Variants in ZNF329 observed in about 807,000 individuals in gnomAD.
The protein encoded by ZNF329 is zinc finger protein 329.
Under a neutral mutation model 26.6 loss-of-function variants are expected in ZNF329, and 15 were observed. The ratio of observed to expected loss-of-function variants is 0.56; its 90% CI spans 0.38 to 0.87. The LOEUF (loss-of-function observed/expected upper bound fraction) is 0.87. Ranked by LOEUF, ZNF329 falls within the 40% of genes least tolerant of loss-of-function variation. The pLI is 0.00. For synonymous variants in ZNF329, 239 were observed against 233.5 expected (o/e 1.02, Z -0.21); for missense variants, 651 against 651.9 (o/e 1.00, Z 0.02).
intron 3 of ZNF329, among the ~76,000 whole-genome samples, chr19:58,142,261 C>G (rs2075205911): frequency 6.6e-6 from 1 of 152,060 alleles, no homozygotes; most frequent in African/African-American, 2.4e-5. Context: ...TATGGGTTTT[C>G]TTTTTCAGGG....
intron 1 of ZNF329, among the ~76,000 whole-genome samples, chr19:58,148,503 A>T (rs114367090): frequency 0.011 from 1,449 of 133,850 alleles, 23 homozygotes; most frequent in African/African-American, 0.049. Flanking sequence ...TAGTTTTTTG[A>T]AAAAAAAAAA....
At chr19:58,130,346 T>C (rs1471074592) in intron 3 of ZNF329, among the ~76,000 whole-genome samples, 1 of 151,074 alleles carries the variant, frequency 6.6e-6, no homozygotes, top group Non-Finnish European at 1.5e-5. Context: ...AAACAAAAAC[T>C]GTCAAAGACT....
At chr19:58,153,176 C>G (rs951758327), upstream of ZNF329, among the ~76,000 whole-genome samples, 12 of 152,108 alleles carry the variant, frequency 7.9e-5, no homozygotes, top group African/African-American at 2.4e-4. Context: ...GTGACAAGAT[C>G]TCAGCTCACT....
intron 1 of ZNF329, among the ~76,000 whole-genome samples, chr19:58,146,615 G>A (rs1038649792): frequency 1.3e-5 from 2 of 151,360 alleles, no homozygotes; most frequent in African/African-American, 4.9e-5. Flanking sequence ...AAGCTGGACG[G>A]TACTGCTGCC....
At chr19:58,148,409 A>G (rs913614258) in intron 1 of ZNF329, among the ~76,000 whole-genome samples, 30 of 151,276 alleles carry the variant, frequency 2.0e-4, no homozygotes, top group South Asian at 8.3e-4. Flanking sequence ...AAAAAAAAAA[A>G]AGAGAGGAAG....
At chr19:58,149,644 A>G (rs1025424117) in intron 1 of ZNF329, among the ~76,000 whole-genome samples, 5 of 152,200 alleles carry the variant, frequency 3.3e-5, no homozygotes, top group African/African-American at 9.6e-5. Flanking sequence ...GCTGTGGGAA[A>G]AAAGAAAAAA....
At chr19:58,146,558 GTCTCCC>G (rs1446025652) in intron 1 of ZNF329, among the ~76,000 whole-genome samples, 1 of 140,882 alleles carries the variant, frequency 7.1e-6, no homozygotes, top group Non-Finnish European at 1.5e-5. Flanking sequence ...TCTCCCCACG[GTCTCCC>G]TCTCCCTCTC....
At chr19:58,146,180 T>TAA (rs1214995410) in intron 1 of ZNF329, among the ~76,000 whole-genome samples, 1 of 151,964 alleles carries the variant, frequency 6.6e-6, no homozygotes, top group East Asian at 1.9e-4. Flanking sequence ...GTATCAATAA[T>TAA]AAAGTATCTG....
At chr19:58,141,952 T>G (rs1336200805) in intron 3 of ZNF329, among the ~76,000 whole-genome samples, 1 of 150,974 alleles carries the variant, frequency 6.6e-6, no homozygotes, top group African/African-American at 2.4e-5. Context: ...TCCCAGCTAC[T>G]AGGGAGGCTG....
At position 58,127,999 on chromosome 19, in the gene ZNF329, T is replaced by A. The variant is rs2074840102; in HGVS notation, c.1505A>T (p.Gln502Leu). ...GGGACCCTCCCTGCTATGGAGTCTC[T>A]GATGTACTGCCAGGTGAGAGTTCTG... is the stretch of plus-strand genomic sequence containing the variant. ...FKQNSHLAVH[Q>L]RLHSREGPSR... Residue 502 changes from glutamine to leucine, a missense_variant, in exon 4 of 4, where the codon CAG becomes CTG. Transcript: ENST00000598312. The A allele has an allele frequency of 6.2e-7, 1 of 1,614,004 alleles. No homozygotes were observed. The highest frequency in any genetic ancestry group is 1.7e-5 in the Admixed American group (1 of 59,994).
chr19:58,153,908 A>G (rs2075500238), upstream of ZNF329, among the ~76,000 whole-genome samples: 1 of 151,256 alleles, frequency 6.6e-6, no homozygotes, highest in Non-Finnish European at 1.5e-5. Context: ...TCACTATTTT[A>G]CCCAGGCTGC....
upstream of ZNF329, among the ~76,000 whole-genome samples, chr19:58,153,901 C>T (rs1160564939): frequency 6.6e-6 from 1 of 152,000 alleles, no homozygotes; most frequent in Admixed American, 6.6e-5. Flanking sequence ...TGGGGTCTCA[C>T]TATTTTACCC....
intron 1 of ZNF329, among the ~76,000 whole-genome samples, chr19:58,144,376 CTATCTATA>C (rs1195007616): frequency 1.7e-4 from 14 of 82,356 alleles, no homozygotes; most frequent in African/African-American, 6.3e-4. Flanking sequence ...ATCTATCTAT[CTATCTATA>C]TATATATATA....
At chr19:58,145,363 C>T (rs2075286358) in intron 1 of ZNF329, among the ~76,000 whole-genome samples, 1 of 147,394 alleles carries the variant, frequency 6.8e-6, no homozygotes, top group Admixed American at 6.8e-5. Flanking sequence ...ACTCTGTCAC[C>T]CAGGCTGGAG....
At chr19:58,150,832 T>A (rs1008459822), upstream of ZNF329, 21 of 152,724 alleles carry the variant, frequency 1.4e-4, no homozygotes, top group Admixed American at 1.2e-3. Flanking sequence ...GTGCGCGGAG[T>A]CCCCGAGCTT....
rs1487454828 is a variant in ZNF329, at chr19:58,128,354, A to G, written c.1150T>C (p.Ser384Pro). The G allele has an allele frequency of 1.2e-6, 2 of 1,613,774 alleles. No individual in the cohort carries two copies. The highest frequency in any genetic ancestry group is 1.7e-5 in the Admixed American group (1 of 59,950). ...ATCTTTTGATGCACAATGAGGTGAG[A>G]GTTTCTGTTGAAGGATTTCCCGCAC... The part of the protein sequence containing the change: ...AECGKSFNRN[S>P]HLIVHQKIHS... The change falls in exon 4 of 4, where the codon TCT (serine) becomes CCT (proline). Residue 384 changes from serine (S) to proline (P), a missense_variant. Transcript: ENST00000598312.
In ZNF329 at chr19:58,128,816, G is replaced by T; in HGVS notation, c.688C>A (p.Pro230Thr). Residue 230 changes from proline (P) to threonine (T), a missense_variant, in exon 4 of 4, where the codon CCT (proline) becomes ACT (threonine). Coordinates refer to ENST00000598312, the MANE Select transcript of ZNF329 (RefSeq NM_024620.4). ...TTTCCACACTCATTACAAGTATAAG[G>T]CTTCTCTCCGGTGTGAGTTCGGTGA... Reference protein sequence around the residue: ...LHHRTHTGEKPYTCNECGKSF... With the variant: ...LHHRTHTGEKTYTCNECGKSF... 6.2e-7 allele frequency: 1 copy of T among 1,606,180 alleles called. No homozygotes were observed. Among genetic ancestry groups the T allele is most frequent in the Non-Finnish European group, 8.5e-7 (1 of 1,176,792 alleles).
At chr19:58,151,353 G>T (rs555774858), upstream of ZNF329, among the ~76,000 whole-genome samples, 9 of 152,206 alleles carry the variant, frequency 5.9e-5, no homozygotes, top group East Asian at 1.7e-3. Flanking sequence ...GAGCAATAGG[G>T]GGTGGTTAAA....
Position 58,128,193 on chromosome 19 carries a change from C to G in ZNF329, c.1311G>C (p.Arg437Ser), listed in dbSNP as rs773421609. 2 of 1,586,768 alleles carry G rather than the reference C, an allele frequency of 1.3e-6. No homozygotes were observed. Among genetic ancestry groups the G allele is most frequent in the Admixed American group, 3.5e-5 (2 of 56,752 alleles). ...GGTGCCTAATGAGGCCAGCGATATT[C>G]CTGAAAAGTTTCTGACACTGGTTGC... ...YGCNQCQKLFRNIAGLIRHQR... is the reference protein window; with the variant it reads ...YGCNQCQKLFSNIAGLIRHQR... Residue 437 changes from arginine to serine, a missense_variant, in exon 4 of 4, where the codon AGG becomes AGC. Coordinates refer to ENST00000598312, the MANE Select transcript of ZNF329 (RefSeq NM_024620.4).
Sources: gnomAD v4.1 joint callset for allele counts (sites outside exome capture counted in the v4.1 genomes callset) on GRCh38, gnomAD v4.1.1 for gene constraint, MANE v1.5 for transcripts, NCBI Gene and HGNC (gene_info 2026-07-23, HGNC 2026-07-21) for gene names.